Variants in CRACD observed in about 807,000 individuals in gnomAD.
The protein encoded by CRACD is capping protein-inhibiting regulator of actin dynamics.
Under a neutral mutation model 106.8 loss-of-function variants are expected in CRACD, and 56 were observed. The ratio of observed to expected loss-of-function variants is 0.52; its 90% CI spans 0.42 to 0.66. The LOEUF (loss-of-function observed/expected upper bound fraction) is 0.66. Among genes scored for constraint, CRACD ranks in the 30% least tolerant of loss-of-function variants. The pLI is 0.00. For synonymous variants in CRACD, 754 were observed against 670.8 expected, an observed-to-expected ratio of 1.12 and a Z score of -1.92; for missense variants, 1,730 against 1,623.2, an observed-to-expected ratio of 1.07 and a Z score of -1.13.
chr4:56,202,032 C>T (rs1486348111), intron 2 of CRACD, among the ~76,000 whole-genome samples: 5 of 152,160 alleles, frequency 3.3e-5, no homozygotes, highest in Non-Finnish European at 7.3e-5. Flanking sequence ...GTATGTGGTA[C>T]CTGTCTGTGT....
At chr4:56,172,629 A>ATT (rs952890770) in intron 1 of CRACD, among the ~76,000 whole-genome samples, 17 of 145,122 alleles carry the variant, frequency 1.2e-4, no homozygotes, top group African/African-American at 3.8e-4. Flanking sequence ...CGCCCAGCTA[A>ATT]TTTTTTTTTT....
At chr4:56,165,744 A>G (rs1736117058) in intron 1 of CRACD, among the ~76,000 whole-genome samples, 1 of 152,250 alleles carries the variant, frequency 6.6e-6, no homozygotes, top group South Asian at 2.1e-4. Context: ...GCTACTCAAC[A>G]TACATACAGA....
intron 2 of CRACD, among the ~76,000 whole-genome samples, chr4:56,183,352 C>T (rs1736937619): frequency 6.6e-6 from 1 of 151,866 alleles, no homozygotes; most frequent in Non-Finnish European, 1.5e-5. Context: ...TAAAGATTCC[C>T]TCTAAACGTG....
chr4:56,065,466 G>C (rs1732434887), intron 1 of CRACD, among the ~76,000 whole-genome samples: 1 of 152,098 alleles, frequency 6.6e-6, no homozygotes, highest in Non-Finnish European at 1.5e-5. Context: ...TTGTTTGTGG[G>C]GCGAGGCTTC....
rs1167413474 is a variant in CRACD at position 56,057,814 on chromosome 4, GTT to G, written c.-336+8536_-336+8537del. ...CATTTTTTGTATTTTTTTTTTTTTT[GTT>G]TTTTTTTTTTTTTTTTTTTTGAGAC... On this transcript the variant is annotated intron_variant, in intron 1 of 10. Transcript: ENST00000682029. Among the ~76,000 whole-genome samples, 7 of 67,308 alleles carry G rather than the reference GTT, an allele frequency of 1.0e-4. 1 individual carries two copies. The highest frequency in any genetic ancestry group is 1.7e-4 in the African/African-American group (2 of 12,038). 44.2% of individuals were successfully genotyped at this position (67,308 alleles called of 152,430 possible).
chr4:56,057,823 T>G lies in CRACD; in HGVS notation c.-336+8524T>G, dbSNP rs1292935517. ...TATTTTTTTTTTTTTTGTTTTTTTT[T>G]TTTTTTTTTTTTTGAGACGGAGTCT... On this transcript the variant is annotated intron_variant, in intron 1 of 10. Coordinates refer to ENST00000682029, the MANE Select transcript of CRACD (RefSeq NM_001393381.1). 4.4e-3 allele frequency among the ~76,000 whole-genome samples: 376 copies of G among 86,070 alleles called. 54 individuals are homozygous for G. The highest frequency in any genetic ancestry group is 6.6e-3 in the Non-Finnish European group (290 of 44,032). The allele number at this position is 86,070 out of a possible 152,430, so 56.5% of individuals were successfully genotyped here. A position where few individuals can be genotyped will look rare whatever the true frequency, so the allele number is the denominator to read the frequency against.
At chr4:56,261,361 C>CTTTT (rs369710516) in intron 2 of CRACD, among the ~76,000 whole-genome samples, 5 of 141,076 alleles carry the variant, frequency 3.5e-5, no homozygotes, top group African/African-American at 2.7e-5. Context: ...TCTTCTTCTT[C>CTTTT]TTTTTTTTTT....
chr4:56,082,615 G>T (rs1733070907), intron 1 of CRACD, among the ~76,000 whole-genome samples: 1 of 152,096 alleles, frequency 6.6e-6, no homozygotes, highest in African/African-American at 2.4e-5. Context: ...TAAGGAAACA[G>T]AACTCAAAGA....
chr4:56,171,049 G>A (rs1736340845), intron 1 of CRACD, among the ~76,000 whole-genome samples: 1 of 151,976 alleles, frequency 6.6e-6, no homozygotes, highest in Admixed American at 6.6e-5. Flanking sequence ...CAGATTAAAG[G>A]GACATTCAAA....
intron 1 of CRACD, among the ~76,000 whole-genome samples, chr4:56,165,803 A>T (rs55881055): frequency 0.32 from 48,700 of 152,076 alleles, 7,829 homozygotes; most frequent in African/African-American, 0.33. Flanking sequence ...TTGCTTATTA[A>T]ATTAGCAAGC....
rs188587017 is a variant in CRACD at position 56,166,572 on chromosome 4, C to T, written c.-335-12712C>T. Among the ~76,000 whole-genome samples the T allele has an allele frequency of 7.0e-3, 1,026 of 147,046 alleles. 13 individuals carry two copies. The highest frequency in any genetic ancestry group is 0.025 in the African/African-American group (985 of 39,714). On this transcript the variant is annotated intron_variant, in intron 1 of 10. Transcript: ENST00000682029. ...GTGCATGCCTATAATCCCAGCAACT[C>T]GGGAGGCTGAGACAGGAGAATCGCT...
At chr4:56,104,177 G>A (rs761276046) in intron 1 of CRACD, among the ~76,000 whole-genome samples, 1 of 152,052 alleles carries the variant, frequency 6.6e-6, no homozygotes, top group Non-Finnish European at 1.5e-5. Context: ...TGGGAGCATC[G>A]CTTGGGCCCA....
intron 1 of CRACD, among the ~76,000 whole-genome samples, chr4:56,120,177 A>G (rs1336190215): frequency 6.6e-6 from 1 of 152,220 alleles, no homozygotes; most frequent in Non-Finnish European, 1.5e-5. Context: ...CTGCAAGACA[A>G]GGAGGTTGGG....
intron 2 of CRACD, among the ~76,000 whole-genome samples, chr4:56,224,877 C>A (rs1176868588): frequency 6.6e-6 from 1 of 152,168 alleles, no homozygotes; most frequent in African/African-American, 2.4e-5. Context: ...TCTCCCTTAC[C>A]TTGAAGCTGG....
At chr4:56,188,711 C>CACAGAGAGAG (rs1446016845) in intron 2 of CRACD, among the ~76,000 whole-genome samples, 3 of 113,110 alleles carry the variant, frequency 2.7e-5, no homozygotes, top group African/African-American at 7.8e-5. Flanking sequence ...CACACACACA[C>CACAGAGAGAG]AGAGAGAGAG....
rs1746617226 is a variant in CRACD at position 56,328,529 on chromosome 4, A to G, written c.*725A>G. Reference sequence around the variant, plus strand: ...GGCTCCCAGGGAACATTTTAATTTAATGTAGTGAAGAAAGACAATTCTAGA... The same window carrying G: ...GGCTCCCAGGGAACATTTTAATTTAGTGTAGTGAAGAAAGACAATTCTAGA... On this transcript the variant is annotated 3_prime_UTR_variant, in exon 11 of 11. Coordinates refer to ENST00000682029, the MANE Select transcript of CRACD (RefSeq NM_001393381.1). The G allele has an allele frequency of 1.7e-5, 7 of 423,808 alleles. No homozygotes were observed. The highest frequency in any genetic ancestry group is 4.6e-6 in the Non-Finnish European group (1 of 215,862). 26.3% of individuals were successfully genotyped at this position (423,808 alleles called of 1,614,324 possible). A position where few individuals can be genotyped will look rare whatever the true frequency, so the allele number is the denominator to read the frequency against.
At chr4:56,096,236 A>G (rs1461760448) in intron 1 of CRACD, among the ~76,000 whole-genome samples, 1 of 152,224 alleles carries the variant, frequency 6.6e-6, no homozygotes, top group Non-Finnish European at 1.5e-5. Context: ...ATTTAAAGCC[A>G]TGAGACTGGA....
chr4:56,080,974 T>C (rs999778885), intron 1 of CRACD, among the ~76,000 whole-genome samples: 1 of 152,150 alleles, frequency 6.6e-6, no homozygotes, highest in Non-Finnish European at 1.5e-5. Flanking sequence ...ACTCCAGTTG[T>C]ACCTTAGATT....
At chr4:56,171,147 G>T (rs1736345390) in intron 1 of CRACD, among the ~76,000 whole-genome samples, 1 of 151,980 alleles carries the variant, frequency 6.6e-6, no homozygotes, top group Non-Finnish European at 1.5e-5. Flanking sequence ...GATCGTCTTA[G>T]AAAGACCATG....
Sources: gnomAD v4.1 joint callset for allele counts (sites outside exome capture counted in the v4.1 genomes callset) on GRCh38, gnomAD v4.1.1 for gene constraint, MANE v1.5 for transcripts, NCBI Gene and HGNC (gene_info 2026-07-23, HGNC 2026-07-21) for gene names.